ZNF609: variants seen among roughly 807,000 people sequenced by gnomAD.
The protein encoded by ZNF609 is zinc finger protein 609.
In ZNF609, 11 loss-of-function variants were observed where a neutral mutation model predicts 109.5. The ratio of observed to expected loss-of-function variants is 0.10; its 90% CI spans 0.06 to 0.17. The LOEUF (loss-of-function observed/expected upper bound fraction) is 0.17. Among genes scored for constraint, ZNF609 ranks in the 10% least tolerant of loss-of-function variants. ZNF609 has a pLI of 1.00. For synonymous variants in ZNF609, 646 were observed against 662.0 expected, an observed-to-expected ratio of 0.98 and a Z score of 0.37; for missense variants, 1,559 against 1,772.4, an observed-to-expected ratio of 0.88 and a Z score of 2.16.
At chr15:64,662,407 C>T (rs1032775011) in intron 3 of ZNF609, among the ~76,000 whole-genome samples, 2 of 152,206 alleles carry the variant, frequency 1.3e-5, no homozygotes, top group Middle Eastern at 3.4e-3. Context: ...CTCATTACAG[C>T]CTAGATCTCC....
At chr15:64,576,061 C>G (rs1035863466) in intron 2 of ZNF609, among the ~76,000 whole-genome samples, 1 of 152,054 alleles carries the variant, frequency 6.6e-6, no homozygotes, top group East Asian at 1.9e-4. Context: ...GAGATCGCGC[C>G]GCTGCACTCC....
intron 2 of ZNF609, among the ~76,000 whole-genome samples, chr15:64,572,346 C>T (rs1315532870): frequency 1.3e-5 from 2 of 152,054 alleles, no homozygotes; most frequent in African/African-American, 2.4e-5. Flanking sequence ...AAAATAAATT[C>T]GCTGGGCATG....
chr15:64,569,085 C>A (rs188124254), intron 2 of ZNF609, among the ~76,000 whole-genome samples: 1 of 152,178 alleles, frequency 6.6e-6, no homozygotes, highest in Non-Finnish European at 1.5e-5. Context: ...CCCTCTGATA[C>A]CCCTCTGGGA....
intron 2 of ZNF609, chr15:64,501,440 C>A (rs371201771): frequency 5.3e-5 from 8 of 152,332 alleles, no homozygotes; most frequent in African/African-American, 1.9e-4. Context: ...GTGGCTCATT[C>A]CCTTTTACCA....
rs989923941 is a variant in ZNF609, at chr15:64,636,953, G to A, written c.973+13901G>A. Among the ~76,000 whole-genome samples the A allele has an allele frequency of 3.9e-5, 6 of 152,172 alleles. No homozygotes were observed. In the East Asian group the frequency reaches 1.2e-3, roughly 29 times the overall value. On this transcript the variant is annotated intron_variant, in intron 3 of 9. Coordinates refer to ENST00000326648, the MANE Select transcript of ZNF609 (RefSeq NM_015042.2). The stretch of plus-strand genomic sequence containing the variant: ...ATAAACATGTACGCAAATTCTACGT[G>A]TGCAAGTCTGCATTTTCGAAGTGAA...
chr15:64,610,816 A>G (rs951064453), intron 2 of ZNF609, among the ~76,000 whole-genome samples: 1 of 152,148 alleles, frequency 6.6e-6, no homozygotes, highest in Non-Finnish European at 1.5e-5. Flanking sequence ...GACTGACAGT[A>G]TGAATAATGA....
At chr15:64,606,488 G>A (rs1895603423) in intron 2 of ZNF609, among the ~76,000 whole-genome samples, 1 of 148,562 alleles carries the variant, frequency 6.7e-6, no homozygotes, top group Non-Finnish European at 1.5e-5. Flanking sequence ...TGAACCGGGA[G>A]GCAGAGGTTG....
intron 3 of ZNF609, among the ~76,000 whole-genome samples, chr15:64,659,402 T>C (rs1435043917): frequency 1.3e-5 from 2 of 152,174 alleles, no homozygotes; most frequent in African/African-American, 4.8e-5. Context: ...ATCATGTAAT[T>C]AGTGGATGAT....
chr15:64,517,939 C>A (rs927224423), intron 2 of ZNF609, among the ~76,000 whole-genome samples: 1 of 151,808 alleles, frequency 6.6e-6, no homozygotes, highest in African/African-American at 2.4e-5. Context: ...GCCACCACAC[C>A]TGACCAATTT....
Position 64,631,566 on chromosome 15 carries a change from C to G in ZNF609, c.973+8514C>G, listed in dbSNP as rs1399541686. The G allele has an allele frequency of 9.7e-6, 5 of 513,004 alleles. No individual in the cohort carries two copies. The East Asian group carries it at 1.8e-4, about 18-fold the overall frequency. 31.8% of individuals were successfully genotyped at this position (513,004 alleles called of 1,614,324 possible). Reference sequence around the variant, plus strand: ...CTTTTTTTTTAGACGGAGTTTCGCTCTTGTTGCCCAGGCTGGAGTGCAATG... The same window carrying G: ...CTTTTTTTTTAGACGGAGTTTCGCTGTTGTTGCCCAGGCTGGAGTGCAATG... On this transcript the variant is annotated intron_variant, in intron 3 of 9. Transcript: ENST00000326648.
At chr15:64,504,723 C>T (rs971018068) in intron 2 of ZNF609, among the ~76,000 whole-genome samples, 7 of 151,744 alleles carry the variant, frequency 4.6e-5, no homozygotes, top group African/African-American at 1.7e-4. Context: ...TCAAGTGATC[C>T]ACCTGCTTCG....
chr15:64,610,258 A>G (rs1363503330), intron 2 of ZNF609, among the ~76,000 whole-genome samples: 1 of 152,164 alleles, frequency 6.6e-6, no homozygotes, highest in Non-Finnish European at 1.5e-5. Flanking sequence ...GTGAGAGCTA[A>G]ATGATGAGAA....
At chr15:64,600,808 T>C (rs1000998355) in intron 2 of ZNF609, among the ~76,000 whole-genome samples, 1 of 152,186 alleles carries the variant, frequency 6.6e-6, no homozygotes, top group African/African-American at 2.4e-5. Flanking sequence ...TCTAAATTTA[T>C]ATAGTCTTTG....
chr15:64,593,706 T>C lies in ZNF609; in HGVS notation c.748-29121T>C, dbSNP rs1272307195. Among the ~76,000 whole-genome samples the C allele has an allele frequency of 2.0e-5, 3 of 152,156 alleles. No homozygotes were observed. In the East Asian group the frequency reaches 5.8e-4, roughly 29 times the overall value. On this transcript the variant is annotated intron_variant, in intron 2 of 9. Transcript: ENST00000326648. ...CATACCTGGCTAATGTTTTATATATTTTTTGTAGGTACAGGGTTTCACCAT... is the reference window on the plus strand; with the variant it reads ...CATACCTGGCTAATGTTTTATATATCTTTTGTAGGTACAGGGTTTCACCAT...
intron 2 of ZNF609, among the ~76,000 whole-genome samples, chr15:64,578,469 C>T (rs898241960): frequency 2.0e-5 from 3 of 151,882 alleles, no homozygotes; most frequent in South Asian, 2.1e-4. Flanking sequence ...CTGAGGTGGG[C>T]GGATCACAAG....
At chr15:64,584,915 C>A (rs577177914) in intron 2 of ZNF609, among the ~76,000 whole-genome samples, 1 of 151,254 alleles carries the variant, frequency 6.6e-6, no homozygotes, top group South Asian at 2.1e-4. Flanking sequence ...GCATGAGCCA[C>A]CACGCCTGCC....
At chr15:64,579,688 C>T (rs150449606) in intron 2 of ZNF609, among the ~76,000 whole-genome samples, 42 of 143,810 alleles carry the variant, frequency 2.9e-4, no homozygotes, top group South Asian at 4.4e-4. Context: ...CCAGCCTGGG[C>T]GACACAGGAA....
intron 2 of ZNF609, chr15:64,502,156 TTTA>T (rs1321797101): frequency 6.6e-6 from 1 of 152,192 alleles, no homozygotes; most frequent in Non-Finnish European, 1.5e-5. Flanking sequence ...GGCAATTACT[TTTA>T]GAAGCAGAAA....
At chr15:64,468,123 TCTC>T (rs761158859) in intron 1 of ZNF609, among the ~76,000 whole-genome samples, 2 of 151,670 alleles carry the variant, frequency 1.3e-5, no homozygotes, top group Non-Finnish European at 2.9e-5. Context: ...CTCAAGCAAT[TCTC>T]CTACCTCAGC....
Sources: allele counts gnomAD v4.1 joint callset (sites outside exome capture counted in the v4.1 genomes callset), GRCh38; gene constraint gnomAD v4.1.1; transcripts MANE v1.5; gene names NCBI Gene and HGNC (gene_info 2026-07-23, HGNC 2026-07-21).